The following ANKS1B variants were observed in gnomAD, a reference collection of about 807,000 sequenced individuals.
The protein encoded by ANKS1B is ankyrin repeat and sterile alpha motif domain containing 1B.
In ANKS1B, 36 loss-of-function variants were observed where a neutral mutation model predicts 148.3. That is an observed-to-expected ratio of 0.24 (90% CI 0.19 to 0.32). The LOEUF is 0.32. Ranked by LOEUF, ANKS1B falls within the 10% of genes least tolerant of loss-of-function variation. ANKS1B has a pLI of 1.00. For missense variants in ANKS1B, 1,157 were observed against 1,542.6 expected, an observed-to-expected ratio of 0.75 and a Z score of 4.19; for synonymous variants, 542 against 560.8, an observed-to-expected ratio of 0.97 and a Z score of 0.47.
chr12:99,968,824 T>C (rs1378730630), intron 1 of ANKS1B, among the ~76,000 whole-genome samples: 2 of 152,076 alleles, frequency 1.3e-5, no homozygotes, highest in African/African-American at 4.8e-5. Flanking sequence ...ACATGAAATC[T>C]GGTTGTTTAA....
chr12:99,143,609 G>A (rs181682363), intron 15 of ANKS1B, among the ~76,000 whole-genome samples: 1 of 152,046 alleles, frequency 6.6e-6, no homozygotes, highest in African/African-American at 2.4e-5. Flanking sequence ...CATGATCACT[G>A]CTACTGTTTG....
intron 9 of ANKS1B, among the ~76,000 whole-genome samples, chr12:99,628,387 A>C (rs1343124104): frequency 6.6e-6 from 1 of 152,302 alleles, no homozygotes; most frequent in Non-Finnish European, 1.5e-5. Context: ...TGTTTAAGTT[A>C]AACATCTAAA....
chr12:99,304,300 A>C (rs1397070100), intron 12 of ANKS1B, among the ~76,000 whole-genome samples: 1 of 152,178 alleles, frequency 6.6e-6, no homozygotes, highest in Admixed American at 6.6e-5. Context: ...TTTTAAAATT[A>C]TGACCATTCT....
intron 8 of ANKS1B, among the ~76,000 whole-genome samples, chr12:99,742,454 T>C (rs1205513525): frequency 7.2e-5 from 11 of 152,132 alleles, no homozygotes; most frequent in Non-Finnish European, 1.5e-5. Context: ...AAGACTGGTA[T>C]GGAAGATGCA....
At chr12:99,708,205 G>A (rs1432441204) in intron 8 of ANKS1B, among the ~76,000 whole-genome samples, 1 of 152,156 alleles carries the variant, frequency 6.6e-6, no homozygotes, top group Non-Finnish European at 1.5e-5. Flanking sequence ...TTGATGACAA[G>A]GGGTTGGAAA....
intron 12 of ANKS1B, among the ~76,000 whole-genome samples, chr12:99,279,911 G>A (rs117641553): frequency 0.024 from 3,677 of 152,042 alleles, 67 homozygotes; most frequent in Middle Eastern, 0.058. Flanking sequence ...AGATGAGGTC[G>A]GAGGATCACC....
chr12:98,821,437 T>A (rs1415515856), intron 19 of ANKS1B, among the ~76,000 whole-genome samples: 1 of 152,204 alleles, frequency 6.6e-6, no homozygotes, highest in African/African-American at 2.4e-5. Flanking sequence ...ATTGTTCACA[T>A]GGAGCTAAAA....
intron 12 of ANKS1B, among the ~76,000 whole-genome samples, chr12:99,337,179 G>A (rs2152311522): frequency 6.6e-6 from 1 of 151,994 alleles, no homozygotes; most frequent in East Asian, 1.9e-4. Flanking sequence ...TTGTAGGTGT[G>A]CTTCATTGTT....
intron 8 of ANKS1B, among the ~76,000 whole-genome samples, chr12:99,714,319 C>T (rs2057017892): frequency 6.6e-6 from 1 of 152,176 alleles, no homozygotes; most frequent in Non-Finnish European, 1.5e-5. Flanking sequence ...ATCTCAAGAA[C>T]ATTAACTTAA....
intron 8 of ANKS1B, among the ~76,000 whole-genome samples, chr12:99,672,104 T>C (rs533012813): frequency 6.6e-6 from 1 of 152,216 alleles, no homozygotes; most frequent in South Asian, 2.1e-4. Context: ...CAGCATTTAA[T>C]TAAATCTCCC....
chr12:99,832,788 A>G (rs1257275709), intron 1 of ANKS1B, among the ~76,000 whole-genome samples: 1 of 152,102 alleles, frequency 6.6e-6, no homozygotes, highest in African/African-American at 2.4e-5. Flanking sequence ...AAAATAAAAA[A>G]TTAATTAGTC....
intron 1 of ANKS1B, among the ~76,000 whole-genome samples, chr12:99,908,231 T>C (rs1047544860): frequency 1.3e-5 from 2 of 152,136 alleles, no homozygotes; most frequent in Admixed American, 6.5e-5. Context: ...ATTCAATATC[T>C]ACTAATATAA....
intron 17 of ANKS1B, 98 bp from the exon 18 acceptor site, chr12:98,832,234 T>C (rs2099323811): frequency 1.1e-6 from 1 of 935,978 alleles, no homozygotes; most frequent in Non-Finnish European, 1.6e-6. Flanking sequence ...TGTGCAAAGT[T>C]ACTCCTGCAC....
At chr12:99,368,499 T>G (rs989922118) in intron 12 of ANKS1B, among the ~76,000 whole-genome samples, 4 of 152,040 alleles carry the variant, frequency 2.6e-5, no homozygotes, top group African/African-American at 4.8e-5. Context: ...GAAACTAAGA[T>G]TTTCATTATA....
intron 1 of ANKS1B, among the ~76,000 whole-genome samples, chr12:99,868,900 AT>A (rs945918385): frequency 6.6e-6 from 1 of 151,910 alleles, no homozygotes; most frequent in African/African-American, 2.4e-5. Flanking sequence ...TCTACTAACA[AT>A]ACAAAAATAG....
chr12:99,492,731 A>C (rs925014703), intron 10 of ANKS1B, among the ~76,000 whole-genome samples: 5 of 152,240 alleles, frequency 3.3e-5, no homozygotes, highest in African/African-American at 1.2e-4. Flanking sequence ...CCTGGGATGC[A>C]AGGTAGGTTC....
intron 25 of ANKS1B, among the ~76,000 whole-genome samples, chr12:98,758,804 A>C (rs2098329302): frequency 9.7e-6 from 1 of 102,824 alleles, no homozygotes; most frequent in South Asian, 3.3e-4. Context: ...TTTTTGAGAT[A>C]GGGTCTCACT....
intron 17 of ANKS1B, among the ~76,000 whole-genome samples, chr12:99,039,940 TA>T (rs1177604122): frequency 6.6e-6 from 1 of 152,174 alleles, no homozygotes; most frequent in Non-Finnish European, 1.5e-5. Flanking sequence ...GAATGACTCA[TA>T]GATTTAGTTC....
At chr12:99,819,242 C>A (rs1050472196) in intron 2 of ANKS1B, among the ~76,000 whole-genome samples, 1 of 151,796 alleles carries the variant, frequency 6.6e-6, no homozygotes, top group Non-Finnish European at 1.5e-5. Flanking sequence ...ACTGAAGTTT[C>A]TTTACATGTT....
Sources: allele counts gnomAD v4.1 joint callset (sites outside exome capture counted in the v4.1 genomes callset), GRCh38; gene constraint gnomAD v4.1.1; transcripts MANE v1.5; gene names NCBI Gene and HGNC (gene_info 2026-07-23, HGNC 2026-07-21).